The following PCDH15 variants were observed in gnomAD, a reference collection of about 807,000 sequenced individuals.
PCDH15 encodes protocadherin-15.
Under a neutral mutation model 178.5 loss-of-function variants are expected in PCDH15, and 129 were observed. The observed-to-expected ratio is 0.72, with a 90% confidence interval of 0.63 to 0.84. The LOEUF (loss-of-function observed/expected upper bound fraction) is 0.84. Ranked by LOEUF, PCDH15 falls within the 40% of genes least tolerant of loss-of-function variation. The probability of loss-of-function intolerance (pLI) is 0.00; values close to 1 mark genes in which losing one functional copy is unlikely to be tolerated. For missense variants in PCDH15, 2,230 were observed against 2,099.9 expected (o/e 1.06, Z -1.21); for synonymous variants, 800 against 732.0 (o/e 1.09, Z -1.50).
Position 55,377,481 on chromosome 10 carries a change from T to A in PCDH15, c.-155-210830A>T, listed in dbSNP as rs576395331. Among the ~76,000 whole-genome samples the A allele has an allele frequency of 4.6e-5, 7 of 152,022 alleles. No homozygotes were observed. The South Asian group carries it at 1.5e-3, about 32-fold the overall frequency. ...GCGTATTCTATAAAAATAGCTTACT[T>A]ATATTTAATTACTATATTTTTTATA... On this transcript the variant is annotated intron_variant, in intron 2 of 5. Coordinates refer to the PCDH15 transcript ENST00000613346.
intron 2 of PCDH15, among the ~76,000 whole-genome samples, chr10:55,033,163 G>A (rs1023053824): frequency 6.6e-6 from 1 of 152,158 alleles, no homozygotes; most frequent in African/African-American, 2.4e-5. Context: ...ACGGGCGGGA[G>A]CACCAAAGAG....
intron 3 of PCDH15, among the ~76,000 whole-genome samples, chr10:54,829,834 G>A (rs1305042191): frequency 2.0e-5 from 3 of 152,084 alleles, no homozygotes; most frequent in African/African-American, 7.2e-5. Context: ...TAAATGATAT[G>A]CACACTATAG....
intron 2 of PCDH15, among the ~76,000 whole-genome samples, chr10:54,638,027 G>A (rs1317133262): frequency 5.9e-5 from 9 of 151,938 alleles, no homozygotes; most frequent in Non-Finnish European, 1.0e-4. Flanking sequence ...AACAGATGAG[G>A]AAATTGTATC....
At position 54,109,830 on chromosome 10, in the gene PCDH15, T is replaced by C. The variant is rs554188229; in HGVS notation, c.1918-19767A>G. 4.6e-5 allele frequency among the ~76,000 whole-genome samples: 7 copies of C among 152,236 alleles called. No homozygotes were observed. The East Asian group carries it at 1.4e-3, about 29-fold the overall frequency. ...AAGCAATTTAATTGTATGTGTTAAA[T>C]AACAAAAATAGTATAATCAGTTTTT... On this transcript the variant is annotated intron_variant, in intron 15 of 37. Coordinates refer to ENST00000644397, the MANE Select transcript of PCDH15 (RefSeq NM_001384140.1).
intron 1 of PCDH15, among the ~76,000 whole-genome samples, chr10:54,727,468 T>C (rs1026314599): frequency 1.3e-4 from 20 of 150,672 alleles, no homozygotes; most frequent in African/African-American, 4.6e-4. Context: ...GGAAAGTTTC[T>C]AGCACTAACT....
At chr10:55,238,770 A>G (rs1177455501) in intron 1 of PCDH15, among the ~76,000 whole-genome samples, 1 of 152,016 alleles carries the variant, frequency 6.6e-6, no homozygotes, top group Non-Finnish European at 1.5e-5. Context: ...TCTATGGAGT[A>G]TATGTGATGT....
intron 3 of PCDH15, among the ~76,000 whole-genome samples, chr10:54,503,257 G>GTGTGTA (rs1421972654): frequency 7.8e-6 from 1 of 127,902 alleles, no homozygotes; most frequent in African/African-American, 2.8e-5. Flanking sequence ...GTGTGTGTGT[G>GTGTGTA]TGTGTGTGAT....
intron 6 of PCDH15, among the ~76,000 whole-genome samples, chr10:54,338,823 A>G (rs1941694727): frequency 6.6e-6 from 1 of 152,184 alleles, no homozygotes; most frequent in Admixed American, 6.5e-5. Context: ...ACTTTAGGTC[A>G]AACTTAAAAT....
chr10:55,423,088 T>C (rs978046191), intron 2 of PCDH15, among the ~76,000 whole-genome samples: 2 of 151,940 alleles, frequency 1.3e-5, no homozygotes, highest in Non-Finnish European at 2.9e-5. Context: ...TACTCATAAA[T>C]GTGATCCCTA....
intron 1 of PCDH15, among the ~76,000 whole-genome samples, chr10:55,205,490 TCAA>T: frequency 6.6e-6 from 1 of 152,180 alleles, no homozygotes; most frequent in African/African-American, 2.4e-5. Context: ...ACATATATTT[TCAA>T]ATATAATATT....
chr10:54,242,187 T>TATATAC (rs1554854543), intron 8 of PCDH15, among the ~76,000 whole-genome samples: 5 of 76,798 alleles, frequency 6.5e-5, no homozygotes, highest in East Asian at 4.2e-4. Flanking sequence ...TATATATATA[T>TATATAC]ACACACACAC....
intron 1 of PCDH15, among the ~76,000 whole-genome samples, chr10:54,709,263 A>T (rs369492408): frequency 0.12 from 18,402 of 151,902 alleles, 1,228 homozygotes; most frequent in African/African-American, 0.17. Context: ...TAGAAACAGA[A>T]TTTTATACGT....
At chr10:55,084,162 A>C (rs1280810460) in intron 2 of PCDH15, among the ~76,000 whole-genome samples, 4 of 151,920 alleles carry the variant, frequency 2.6e-5, no homozygotes, top group African/African-American at 9.7e-5. Context: ...ACATTAGCTG[A>C]CTTCAAATTA....
intron 15 of PCDH15, among the ~76,000 whole-genome samples, chr10:54,129,379 T>A (rs2042239511): frequency 6.6e-6 from 1 of 152,210 alleles, no homozygotes; most frequent in African/African-American, 2.4e-5. Flanking sequence ...ACCCATTTTT[T>A]AAATTTATAC....
intron 29 of PCDH15, among the ~76,000 whole-genome samples, chr10:53,839,575 T>C (rs1417367960): frequency 6.6e-6 from 1 of 152,132 alleles, no homozygotes; most frequent in Non-Finnish European, 1.5e-5. Flanking sequence ...TGTATATCAA[T>C]ATATATTTTT....
At chr10:54,136,326 G>A (rs1003140691) in intron 14 of PCDH15, among the ~76,000 whole-genome samples, 1 of 151,654 alleles carries the variant, frequency 6.6e-6, no homozygotes, top group Non-Finnish European at 1.5e-5. Flanking sequence ...AATTACCTCA[G>A]GAGAAAAACT....
chr10:54,613,212 C>G (rs1400172082), intron 2 of PCDH15, among the ~76,000 whole-genome samples: 1 of 151,738 alleles, frequency 6.6e-6, no homozygotes, highest in Non-Finnish European at 1.5e-5. Flanking sequence ...ACTTCACTTT[C>G]TAAAGTATGC....
intron 21 of PCDH15, among the ~76,000 whole-genome samples, chr10:53,968,274 C>G (rs968869352): frequency 2.0e-5 from 3 of 152,154 alleles, no homozygotes; most frequent in African/African-American, 7.2e-5. Context: ...AGTCTGAGAT[C>G]GAACTGCAAG....
At chr10:55,351,033 CT>C (rs1844917493) in intron 2 of PCDH15, among the ~76,000 whole-genome samples, 1 of 106,938 alleles carries the variant, frequency 9.4e-6, no homozygotes, top group Non-Finnish European at 1.9e-5. Flanking sequence ...CTTCCTCCCC[CT>C]CTCCCTCCTC....
Sources: allele counts gnomAD v4.1 joint callset (sites outside exome capture counted in the v4.1 genomes callset), GRCh38; gene constraint gnomAD v4.1.1; transcripts MANE v1.5; gene names NCBI Gene and HGNC (gene_info 2026-07-23, HGNC 2026-07-21).